GRM5: variants seen among roughly 807,000 people sequenced by gnomAD.
GRM5 encodes glutamate metabotropic receptor 5.
In GRM5, 19 loss-of-function variants were observed where a neutral mutation model predicts 83.1. That is an observed-to-expected ratio of 0.23 (90% confidence interval 0.16 to 0.34). The LOEUF is 0.34. GRM5 is among the 10% of genes least tolerant of loss of function. GRM5 has a pLI of 1.00. For synonymous variants in GRM5, 675 were observed against 633.6 expected, an observed-to-expected ratio of 1.07 and a Z score of -0.98; for missense variants, 1,160 against 1,588.3, an observed-to-expected ratio of 0.73 and a Z score of 4.58.
At chr11:88,774,065 T>C (rs1006366587) in intron 3 of GRM5, among the ~76,000 whole-genome samples, 1 of 152,208 alleles carries the variant, frequency 6.6e-6, no homozygotes, top group African/African-American at 2.4e-5. Context: ...TTCACAATAT[T>C]GATTTTTCCT....
rs529337383 is a variant in GRM5, at chr11:88,531,469, C to A, written c.2631-6065G>T. ...CAACTTATGAGATGCTAGGAAGATT[C>A]CATTGATGAATTCTTTCCTCATTTT... On this transcript the variant is annotated intron_variant, in intron 8 of 9. Coordinates refer to ENST00000305447, the MANE Select transcript of GRM5 (RefSeq NM_001143831.3). 3.3e-5 allele frequency among the ~76,000 whole-genome samples: 5 copies of A among 152,198 alleles called. No homozygotes were observed. The East Asian group carries it at 9.7e-4, about 29-fold the overall frequency.
chr11:88,525,480 C>A, intron 8 of GRM5, 76 bp from the exon 9 acceptor site: 1 of 907,892 alleles, frequency 1.1e-6, no homozygotes. Flanking sequence ...GAGGAACGGC[C>A]GTGACTGTGG....
chr11:88,817,068 TAA>T (rs1943706044), intron 3 of GRM5, among the ~76,000 whole-genome samples: 1 of 152,136 alleles, frequency 6.6e-6, no homozygotes, highest in Non-Finnish European at 1.5e-5. Context: ...GAGTTTATTT[TAA>T]TAATTTGAGA....
At position 88,508,495 on chromosome 11, in the gene GRM5, C is replaced by A; in HGVS notation, c.*97G>T. The A allele has an allele frequency of 1.0e-6, 1 of 964,820 alleles. No individual in the cohort carries two copies. Among genetic ancestry groups the A allele is most frequent in the Non-Finnish European group, 1.5e-6 (1 of 646,250 alleles). The allele number at this position is 964,820 out of a possible 1,614,324, so 59.8% of individuals were successfully genotyped here. Reference sequence around the variant, plus strand: ...AAGGGGTGCCCTTGGCATCTTCCCCCTGGGCCGTAACCAGGCGACTATGCT... The same window carrying A: ...AAGGGGTGCCCTTGGCATCTTCCCCATGGGCCGTAACCAGGCGACTATGCT... On this transcript the variant is annotated 3_prime_UTR_variant, in exon 10 of 10. Transcript: ENST00000305447. The surrounding 1 kb of genome is among the most constrained non-coding windows in gnomAD (Gnocchi z 4.2).
At chr11:88,659,202 T>C (rs1158950250) in intron 3 of GRM5, among the ~76,000 whole-genome samples, 1 of 152,144 alleles carries the variant, frequency 6.6e-6, no homozygotes, top group African/African-American at 2.4e-5. Context: ...AATAACAACA[T>C]TGCATGTAGC....
chr11:88,903,773 A>C (rs1945357349), intron 2 of GRM5, among the ~76,000 whole-genome samples: 1 of 152,226 alleles, frequency 6.6e-6, no homozygotes, highest in Admixed American at 6.5e-5. Context: ...AGCACAGATT[A>C]TGAGCAATTA....
chr11:88,532,102 T>C (rs1163782689), intron 8 of GRM5, among the ~76,000 whole-genome samples: 1 of 152,144 alleles, frequency 6.6e-6, no homozygotes, highest in African/African-American at 2.4e-5. Flanking sequence ...TGGAAAATGT[T>C]GCATATTTCA....
At chr11:88,774,904 C>A (rs1269690794) in intron 3 of GRM5, among the ~76,000 whole-genome samples, 1 of 152,100 alleles carries the variant, frequency 6.6e-6, no homozygotes, top group Non-Finnish European at 1.5e-5. Flanking sequence ...GTCTAAAATT[C>A]TCTTTTGTTG....
chr11:88,570,572 T>TATATATATATATATA (rs1491417366), intron 7 of GRM5, among the ~76,000 whole-genome samples: 25 of 42,330 alleles, frequency 5.9e-4, no homozygotes, highest in South Asian at 1.7e-3. Context: ...TATATATATA[T>TATATATATATATATA]TTTTTTTTTT....
chr11:88,662,223 A>G (rs1034129193), intron 3 of GRM5, among the ~76,000 whole-genome samples: 2 of 152,162 alleles, frequency 1.3e-5, no homozygotes, highest in African/African-American at 2.4e-5. Flanking sequence ...AACTGAGGAA[A>G]TCTGAGGGAT....
In GRM5 at chr11:88,816,407, C is replaced by A. The variant is rs549414021; in HGVS notation, c.911+33499G>T. ...TACAAAAATTAGCCAGACATGGTGG[C>A]ACGTGCCTGTAGTCCCAGCTACTCA... On this transcript the variant is annotated intron_variant, in intron 3 of 9. Coordinates refer to ENST00000305447, the MANE Select transcript of GRM5 (RefSeq NM_001143831.3). 1.7e-4 allele frequency among the ~76,000 whole-genome samples: 25 copies of A among 150,502 alleles called. No individual in the cohort carries two copies. In the East Asian group the frequency reaches 4.9e-3, roughly 29 times the overall value.
intron 2 of GRM5, among the ~76,000 whole-genome samples, chr11:88,949,990 G>A (rs1444258583): frequency 4.6e-5 from 7 of 151,558 alleles, no homozygotes; most frequent in Non-Finnish European, 7.4e-5. Context: ...TCAACCTCCC[G>A]AGTAGCTGGG....
intron 2 of GRM5, among the ~76,000 whole-genome samples, chr11:89,014,892 C>T (rs144912971): frequency 0.048 from 7,317 of 152,164 alleles, 585 homozygotes; most frequent in African/African-American, 0.16. Context: ...TTGGTTCTGG[C>T]ACCGCCTACT....
chr11:89,005,130 C>G (rs1940490044), intron 2 of GRM5, among the ~76,000 whole-genome samples: 1 of 152,138 alleles, frequency 6.6e-6, no homozygotes, highest in Non-Finnish European at 1.5e-5. Context: ...TGAAATCTAT[C>G]TTTGGATTTA....
chr11:88,797,948 A>C (rs1489911111), intron 3 of GRM5, among the ~76,000 whole-genome samples: 1 of 152,030 alleles, frequency 6.6e-6, no homozygotes, highest in Non-Finnish European at 1.5e-5. Flanking sequence ...ATATGTCATG[A>C]GTATCATGAC....
At chr11:88,659,954 G>A (rs1292126319) in intron 3 of GRM5, among the ~76,000 whole-genome samples, 3 of 152,080 alleles carry the variant, frequency 2.0e-5, no homozygotes, top group East Asian at 1.9e-4. Context: ...AAAAATACAT[G>A]TAGCCCTGAA....
At chr11:89,044,468 C>T (rs371990045) in intron 2 of GRM5, among the ~76,000 whole-genome samples, 1 of 152,122 alleles carries the variant, frequency 6.6e-6, no homozygotes, top group African/African-American at 2.4e-5. Flanking sequence ...GTACACTCCT[C>T]TGGAATTCTG....
chr11:88,756,846 A>C (rs1049019543), intron 3 of GRM5, among the ~76,000 whole-genome samples: 2 of 152,124 alleles, frequency 1.3e-5, no homozygotes, highest in Non-Finnish European at 2.9e-5. Context: ...CCAGAAGAAT[A>C]AGAGAAAGGA....
chr11:88,974,784 T>C (rs2135011426), intron 2 of GRM5, among the ~76,000 whole-genome samples: 1 of 152,302 alleles, frequency 6.6e-6, no homozygotes, highest in African/African-American at 2.4e-5. Flanking sequence ...TCTCATCTCT[T>C]TAATGTCTTC....
Sources: allele counts gnomAD v4.1 joint callset (sites outside exome capture counted in the v4.1 genomes callset), GRCh38; gene constraint gnomAD v4.1.1; non-coding constraint Gnocchi (gnomAD v3.1); transcripts MANE v1.5; gene names NCBI Gene and HGNC (gene_info 2026-07-23, HGNC 2026-07-21).